Variants in XIST observed in about 807,000 individuals in gnomAD.
XIST encodes the protein X inactive specific transcript (non-protein coding).
exon 6 of XIST, chrX:73,822,039 T>C (rs1922132942): frequency 7.2e-6 from 4 of 556,949 alleles, no homozygotes; most frequent in African/African-American, 6.7e-5. Flanking sequence ...TGTGTCAGCA[T>C]GTAAAAAGTA....
exon 1 of XIST, chrX:73,844,996 A>G (rs1726714844): frequency 3.7e-6 from 2 of 545,219 alleles, no homozygotes; most frequent in Admixed American, 2.3e-5. Flanking sequence ...ATATAATCAC[A>G]TACGTTAACA....
intron 5 of XIST, chrX:73,828,773 T>G (rs1271929386): frequency 5.8e-6 from 1 of 173,890 alleles, no homozygotes; most frequent in Non-Finnish European, 1.1e-5. Flanking sequence ...AATGGTGTTT[T>G]AAGCTTCTCA....
exon 1 of XIST, chrX:73,852,688 T>C (rs949833182): frequency 2.2e-6 from 1 of 456,483 alleles, no homozygotes; most frequent in South Asian, 3.5e-5. Context: ...GTCAGGAAGC[T>C]TCCAGCCCCG....
In XIST at chrX:73,834,993, CA is replaced by C. The variant is rs60685637; in HGVS notation, n.11407-1620del. Among the ~76,000 whole-genome samples the C allele has an allele frequency of 5.6e-3, 425 of 75,468 alleles. 1 individual carries two copies. The highest frequency in any genetic ancestry group is 0.011 in the African/African-American group (234 of 21,369). The allele number at this position is 75,468 out of a possible 115,157, so 65.5% of individuals were successfully genotyped here. A position where few individuals can be genotyped will look rare whatever the true frequency, so the allele number is the denominator to read the frequency against. ...TGGGCGAAAGAGCAAAACTCCGTCT[CA>C]AAAAAAAAAAAAAATCACATAATTC... On this transcript the variant is annotated intron_variant and non_coding_transcript_variant, in intron 2 of 5. Transcript: ENST00000429829.
chrX:73,846,648 C>T (rs781435205), exon 1 of XIST: 30 of 557,463 alleles, frequency 5.4e-5, no homozygotes, highest in African/African-American at 4.5e-4. Flanking sequence ...ATGGGGTGGG[C>T]ACTTCCTGCT....
exon 6 of XIST, chrX:73,825,154 C>T: frequency 5.7e-6 from 3 of 528,742 alleles, no homozygotes; most frequent in Non-Finnish European, 1.0e-5. Context: ...CCACAACAAG[C>T]TTAGTCCCTT....
At chrX:73,849,778 T>C (rs1261355447) in exon 1 of XIST, 2 of 537,963 alleles carry the variant, frequency 3.7e-6, no homozygotes, top group Admixed American at 4.8e-5. Flanking sequence ...ACTGAATCAA[T>C]GAAAATTAGA....
At position 73,851,918 on chromosome X, in the gene XIST, A is replaced by C. The variant is rs748287900; in HGVS notation, n.806T>G. The C allele has an allele frequency of 9.0e-6, 5 of 555,924 alleles. No individual in the cohort carries two copies. The African/African-American group carries it at 1.1e-4, about 13-fold the overall frequency. The allele number at this position is 555,924 out of a possible 1,213,427, so 45.8% of individuals were successfully genotyped here. A position where few individuals can be genotyped will look rare whatever the true frequency, so the allele number is the denominator to read the frequency against. ...AGGTACACTCACACACCACCAAATGATCAGCAGCAAAAAAAAGTGTAGATA... is the reference window on the plus strand; with the variant it reads ...AGGTACACTCACACACCACCAAATGCTCAGCAGCAAAAAAAAGTGTAGATA... On this transcript the variant is annotated non_coding_transcript_exon_variant, in exon 1 of 6. Transcript: ENST00000429829.
chrX:73,823,982 T>C (rs1620574), exon 6 of XIST: 234,840 of 549,601 alleles, frequency 0.43, 38,173 homozygotes, highest in East Asian at 0.95. Flanking sequence ...CTGTAGGCTT[T>C]GTAAATCTAC....
chrX:73,821,469 T>C (rs1364318942), exon 6 of XIST: 4 of 556,803 alleles, frequency 7.2e-6, no homozygotes, highest in Admixed American at 4.4e-5. Flanking sequence ...AAGGTTTAGT[T>C]GATAAGCACT....
intron 2 of XIST, among the ~76,000 whole-genome samples, chrX:73,836,733 A>G (rs954682698): frequency 9.0e-5 from 10 of 111,535 alleles, no homozygotes; most frequent in African/African-American, 3.3e-4. Context: ...AATAAAAAGT[A>G]TCAAGGCTCC....
chrX:73,850,944 G>C (rs763361021), exon 1 of XIST: 16 of 556,903 alleles, frequency 2.9e-5, no homozygotes, highest in Non-Finnish European at 4.9e-5. Context: ...AAAACACCTG[G>C]TGTACCGCCC....
exon 6 of XIST, chrX:73,821,554 T>C (rs1382652174): frequency 1.8e-6 from 1 of 558,259 alleles, no homozygotes. Context: ...ATCTCAACAA[T>C]GATCAGCTAT....
chrX:73,846,465 C>T (rs765799309), exon 1 of XIST: 2 of 558,479 alleles, frequency 3.6e-6, no homozygotes, highest in Admixed American at 4.4e-5. Flanking sequence ...ACACAACATG[C>T]CAAGAAAAGG....
At chrX:73,847,000 T>C in exon 1 of XIST, 1 of 559,179 alleles carries the variant, frequency 1.8e-6, no homozygotes, top group Admixed American at 2.2e-5. Context: ...CTTTGATAAG[T>C]ACAGGAGTCC....
At chrX:73,846,217 G>A (rs1639393547) in exon 1 of XIST, 2 of 559,354 alleles carry the variant, frequency 3.6e-6, no homozygotes, top group Admixed American at 4.4e-5. Context: ...CACCCCTGCT[G>A]TACTGCAAAA....
At chrX:73,829,079 A>G in exon 5 of XIST, 1 of 558,205 alleles carries the variant, frequency 1.8e-6, no homozygotes, top group East Asian at 3.2e-5. Flanking sequence ...TCATTCAGCT[A>G]TCCTCAAGTG....
At chrX:73,836,599 C>T (rs1238151417) in intron 2 of XIST, among the ~76,000 whole-genome samples, 2 of 111,569 alleles carry the variant, frequency 1.8e-5, no homozygotes, top group Non-Finnish European at 3.8e-5. Flanking sequence ...TGTGCATATA[C>T]ACACGTTAGA....
exon 6 of XIST, chrX:73,825,452 A>G (rs1260064939): frequency 1.9e-6 from 1 of 532,556 alleles, no homozygotes; most frequent in Non-Finnish European, 3.4e-6. Context: ...ATTTTTTTTC[A>G]GGTCACCTAG....
Sources: gnomAD v4.1 joint callset for allele counts (sites outside exome capture counted in the v4.1 genomes callset) on GRCh38, gnomAD v4.1.1 for gene constraint, MANE v1.5 for transcripts, NCBI Gene and HGNC (gene_info 2026-07-23, HGNC 2026-07-21) for gene names.